EXOC4: variants seen among roughly 807,000 people sequenced by gnomAD.
EXOC4 encodes the protein exocyst complex component 4.
Under a neutral mutation model 107.2 loss-of-function variants are expected in EXOC4, and 71 were observed. The observed-to-expected ratio is 0.66, with a 90% CI of 0.55 to 0.81. EXOC4 has a LOEUF of 0.81. EXOC4 is among the 30% of genes least tolerant of loss of function. The pLI, the probability that EXOC4 is intolerant of heterozygous loss-of-function variation, is 0.00. For synonymous variants in EXOC4, 456 were observed against 441.2 expected, an observed-to-expected ratio of 1.03 and a Z score of -0.42; for missense variants, 1,108 against 1,189.6, an observed-to-expected ratio of 0.93 and a Z score of 1.01.
chr7:133,966,315 T>C (rs1022446534), intron 14 of EXOC4, among the ~76,000 whole-genome samples: 2 of 152,226 alleles, frequency 1.3e-5, no homozygotes, highest in African/African-American at 4.8e-5. Context: ...GAATATGCTT[T>C]ATTTCTTTCT....
At chr7:133,763,601 A>G (rs992439913) in intron 10 of EXOC4, among the ~76,000 whole-genome samples, 1 of 151,978 alleles carries the variant, frequency 6.6e-6, no homozygotes, top group Non-Finnish European at 1.5e-5. Flanking sequence ...TTTGAATAGC[A>G]CTTAGTAAAT....
At chr7:133,713,766 C>T (rs1461501637) in intron 10 of EXOC4, among the ~76,000 whole-genome samples, 1 of 152,066 alleles carries the variant, frequency 6.6e-6, no homozygotes, top group Non-Finnish European at 1.5e-5. Flanking sequence ...GGCACTTCTC[C>T]TTCTTGCCTC....
chr7:134,057,967 T>C (rs1419174583), intron 17 of EXOC4, among the ~76,000 whole-genome samples: 2 of 152,202 alleles, frequency 1.3e-5, no homozygotes, highest in East Asian at 1.9e-4. Context: ...CTCTTAAATA[T>C]TTACCTCACT....
chr7:133,911,411 G>A (rs774082956), intron 12 of EXOC4, among the ~76,000 whole-genome samples: 50 of 152,276 alleles, frequency 3.3e-4, no homozygotes, highest in Admixed American at 5.2e-4. Flanking sequence ...ATCAATGCCA[G>A]TATTTCAAAT....
At chr7:133,273,557 C>G (rs1793923389) in intron 1 of EXOC4, among the ~76,000 whole-genome samples, 2 of 152,158 alleles carry the variant, frequency 1.3e-5, no homozygotes, top group South Asian at 4.1e-4. Flanking sequence ...CATGATATAG[C>G]TGATCTTTTG....
intron 8 of EXOC4, among the ~76,000 whole-genome samples, chr7:133,478,198 G>A (rs1160996678): frequency 1.3e-5 from 2 of 149,470 alleles, no homozygotes; most frequent in Non-Finnish European, 3.0e-5. Context: ...GCAGAAAACA[G>A]GCTTTAGGGT....
intron 10 of EXOC4, among the ~76,000 whole-genome samples, chr7:133,722,890 T>G (rs1056268979): frequency 1.1e-4 from 16 of 152,196 alleles, no homozygotes; most frequent in African/African-American, 3.9e-4. Context: ...AAAAATAAAT[T>G]TGTGTCAGTC....
At chr7:133,677,945 G>A (rs570785193) in intron 10 of EXOC4, among the ~76,000 whole-genome samples, 5 of 152,270 alleles carry the variant, frequency 3.3e-5, no homozygotes, top group African/African-American at 1.2e-4. Context: ...GTGTACTGTT[G>A]TTAAAAAGCA....
intron 7 of EXOC4, among the ~76,000 whole-genome samples, chr7:133,424,908 A>G (rs1797690255): frequency 6.6e-6 from 1 of 152,212 alleles, no homozygotes; most frequent in South Asian, 2.1e-4. Context: ...AGCCTGTATA[A>G]ACTAGGTTGG....
chr7:133,541,675 A>ATT (rs373858010), intron 9 of EXOC4, among the ~76,000 whole-genome samples: 4 of 147,384 alleles, frequency 2.7e-5, no homozygotes, highest in African/African-American at 7.5e-5. Context: ...AATTTTTTGT[A>ATT]TTTTTTTTTT....
chr7:133,660,454 C>T (rs12707114), intron 10 of EXOC4, among the ~76,000 whole-genome samples: 1 of 151,840 alleles, frequency 6.6e-6, no homozygotes, highest in Non-Finnish European at 1.5e-5. Flanking sequence ...GTGCCTACCC[C>T]TCTAAGGTAT....
At chr7:133,591,580 G>A (rs1297360829) in intron 9 of EXOC4, among the ~76,000 whole-genome samples, 7 of 151,910 alleles carry the variant, frequency 4.6e-5, no homozygotes, top group Non-Finnish European at 7.4e-5. Context: ...GTGTGTGTGT[G>A]TGTGTGTGTG....
intron 12 of EXOC4, among the ~76,000 whole-genome samples, chr7:133,900,751 C>G (rs545986839): frequency 1.4e-4 from 22 of 152,224 alleles, no homozygotes; most frequent in African/African-American, 4.8e-4. Flanking sequence ...AAGACTTTGG[C>G]CACTGATTGG....
chr7:133,504,090 A>G (rs1323087094), intron 9 of EXOC4, among the ~76,000 whole-genome samples: 4 of 152,180 alleles, frequency 2.6e-5, no homozygotes, highest in Non-Finnish European at 5.9e-5. Flanking sequence ...CTTATTATCA[A>G]CAGAGGAAAA....
At chr7:133,870,294 C>T (rs986655285) in intron 11 of EXOC4, among the ~76,000 whole-genome samples, 2 of 152,128 alleles carry the variant, frequency 1.3e-5, no homozygotes, top group Non-Finnish European at 2.9e-5. Context: ...AAATAGTTAC[C>T]TCATGGAACA....
intron 13 of EXOC4, among the ~76,000 whole-genome samples, chr7:133,919,433 T>A (rs768387525): frequency 6.6e-5 from 10 of 152,184 alleles, no homozygotes; most frequent in Non-Finnish European, 1.3e-4. Flanking sequence ...TCTAAATATA[T>A]CGGTTTTGAC....
At chr7:133,855,120 T>TATATAA (rs1563028563) in intron 11 of EXOC4, among the ~76,000 whole-genome samples, 1 of 85,182 alleles carries the variant, frequency 1.2e-5, no homozygotes, top group African/African-American at 6.3e-5. Flanking sequence ...TATAAATATA[T>TATATAA]ATATATAAAT....
At chr7:133,577,776 A>G (rs1160821447) in intron 9 of EXOC4, among the ~76,000 whole-genome samples, 5 of 152,202 alleles carry the variant, frequency 3.3e-5, no homozygotes, top group African/African-American at 1.2e-4. Flanking sequence ...ATATGTAAAA[A>G]ATGCTCAATA....
intron 17 of EXOC4, among the ~76,000 whole-genome samples, chr7:134,009,178 T>C (rs1240555402): frequency 6.6e-6 from 1 of 152,220 alleles, no homozygotes; most frequent in African/African-American, 2.4e-5. Flanking sequence ...CCTTTATGGC[T>C]AGGAAGTCCT....
Sources: allele counts gnomAD v4.1 joint callset (sites outside exome capture counted in the v4.1 genomes callset), GRCh38; gene constraint gnomAD v4.1.1; transcripts MANE v1.5; gene names NCBI Gene and HGNC (gene_info 2026-07-23, HGNC 2026-07-21).